C2CD3: variants seen among roughly 807,000 people sequenced by gnomAD.
C2CD3 encodes the protein C2 domain-containing protein 3.
A neutral mutation model predicts 234.0 loss-of-function variants in C2CD3; 148 were observed. The observed-to-expected ratio is 0.63, with a 90% CI of 0.55 to 0.72. C2CD3 has a LOEUF of 0.72. Among genes scored for constraint, C2CD3 ranks in the 30% least tolerant of loss-of-function variants. The pLI is 0.00. For missense variants in C2CD3, 2,577 were observed against 2,811.5 expected (o/e 0.92, Z 1.89); for synonymous variants, 1,000 against 1,035.4 (o/e 0.97, Z 0.66).
intron 6 of C2CD3, 105 bp from the exon 7 acceptor site, chr11:74,133,077 ATACTT>A (rs1361771187): frequency 9.1e-7 from 1 of 1,094,346 alleles, no homozygotes; most frequent in African/African-American, 1.6e-5. Context: ...AAAATTTAAC[ATACTT>A]TAGACTTAAC....
At chr11:74,118,885 C>T (rs983390313) in intron 8 of C2CD3, among the ~76,000 whole-genome samples, 2 of 151,738 alleles carry the variant, frequency 1.3e-5, no homozygotes, top group South Asian at 2.1e-4. Flanking sequence ...GACGATGTCA[C>T]CTAATCATCT....
intron 14 of C2CD3, among the ~76,000 whole-genome samples, chr11:74,101,428 G>C (rs1260324737): frequency 6.6e-6 from 1 of 152,134 alleles, no homozygotes; most frequent in Admixed American, 6.5e-5. Flanking sequence ...AATTAGAAAA[G>C]GGATGATGAG....
At chr11:74,152,827 C>T (rs544593493) in intron 3 of C2CD3, among the ~76,000 whole-genome samples, 3 of 152,124 alleles carry the variant, frequency 2.0e-5, no homozygotes, top group Non-Finnish European at 4.4e-5. Context: ...AAGTTCAATA[C>T]CCATGATAAA....
At chr11:74,151,332 T>C (rs992764186) in intron 3 of C2CD3, among the ~76,000 whole-genome samples, 1 of 151,906 alleles carries the variant, frequency 6.6e-6, no homozygotes, top group Non-Finnish European at 1.5e-5. Flanking sequence ...TTTATTTATT[T>C]ATTGAGACAG....
rs193202991 is a variant in C2CD3, at chr11:74,025,114, T to C, written c.6921+3173A>G. On this transcript the variant is annotated intron_variant, in intron 32 of 32. Transcript: ENST00000334126. ...TTCTCCCTCTCCCATACTTTGTATC[T>C]AGTATTTAATAGACCAAAGACATAC... 3.6e-3 allele frequency among the ~76,000 whole-genome samples: 546 copies of C among 152,234 alleles called. 10 individuals carry two copies. The highest frequency in any genetic ancestry group is 0.033 in the Admixed American group (506 of 15,284).
intron 24 of C2CD3, 54 bp downstream of exon 24, chr11:74,074,199 A>C: frequency 8.3e-7 from 1 of 1,203,594 alleles, no homozygotes; most frequent in Non-Finnish European, 1.2e-6. Context: ...TTGTGAAGAA[A>C]GGAGCACACC....
intron 7 of C2CD3, among the ~76,000 whole-genome samples, chr11:74,124,830 C>T (rs1957352775): frequency 6.6e-6 from 1 of 152,020 alleles, no homozygotes; most frequent in Non-Finnish European, 1.5e-5. Context: ...CTTGTTATTC[C>T]CCACTTTGTA....
chr11:74,170,136 T>C (rs934333115), intron 1 of C2CD3, among the ~76,000 whole-genome samples: 1 of 152,290 alleles, frequency 6.6e-6, no homozygotes, highest in African/African-American at 2.4e-5. Flanking sequence ...CACTCTTTCA[T>C]GATCTCAGGT....
chr11:74,139,003 T>C (rs779085244), intron 4 of C2CD3, 36 bp from the exon 5 acceptor site: 6 of 1,547,700 alleles, frequency 3.9e-6, no homozygotes, highest in Admixed American at 3.6e-5. Flanking sequence ...CAGCAATATA[T>C]AATCTATTAT....
At chr11:74,155,043 G>A (rs1855922491) in intron 3 of C2CD3, among the ~76,000 whole-genome samples, 1 of 152,182 alleles carries the variant, frequency 6.6e-6, no homozygotes, top group Non-Finnish European at 1.5e-5. Flanking sequence ...TTTGACAGCA[G>A]CCTTCTAGAC....
chr11:74,021,074 T>C (rs1190514967), intron 32 of C2CD3, among the ~76,000 whole-genome samples: 1 of 152,196 alleles, frequency 6.6e-6, no homozygotes, highest in Non-Finnish European at 1.5e-5. Context: ...TCCTGTTTAA[T>C]TGAAAACTGG....
chr11:74,063,364 A>G (rs1325795946), intron 24 of C2CD3, among the ~76,000 whole-genome samples: 1 of 152,248 alleles, frequency 6.6e-6, no homozygotes, highest in African/African-American at 2.4e-5. Flanking sequence ...ATGAACATCA[A>G]TGCAAAAATC....
intron 29 of C2CD3, 41 bp downstream of exon 29, chr11:74,042,013 C>T (rs1242102154): frequency 6.3e-7 from 1 of 1,598,110 alleles, no homozygotes; most frequent in African/African-American, 1.3e-5. Flanking sequence ...CACCTTGTGC[C>T]CCACTATGGT....
At chr11:74,071,956 T>A in intron 24 of C2CD3, among the ~76,000 whole-genome samples, 1 of 152,152 alleles carries the variant, frequency 6.6e-6, no homozygotes. Context: ...AATATGGGAA[T>A]TCTCCTAAAA....
intron 7 of C2CD3, among the ~76,000 whole-genome samples, chr11:74,123,493 T>A (rs1957291966): frequency 6.6e-6 from 1 of 152,158 alleles, no homozygotes; most frequent in South Asian, 2.1e-4. Context: ...GAAAAAAGGG[T>A]ATAATTCAAT....
chr11:74,116,887 C>CGT, intron 9 of C2CD3, among the ~76,000 whole-genome samples: 1 of 111,480 alleles, frequency 9.0e-6, no homozygotes, highest in Non-Finnish European at 1.8e-5. Flanking sequence ...TATATACACA[C>CGT]GTGTATATAT....
In C2CD3 at chr11:74,138,737, G is replaced by T. The variant is rs769281314; in HGVS notation, c.938C>A (p.Thr313Asn). ...SCILSSNNLPTKDLLSALLEQ... is the reference protein window; with the variant it reads ...SCILSSNNLPNKDLLSALLEQ... ...ATACATACCTGAAAGAAGATCCTTGGTAGGGAGGTTGTTTGAAGAAAGAAT... is the reference window on the plus strand; with the variant it reads ...ATACATACCTGAAAGAAGATCCTTGTTAGGGAGGTTGTTTGAAGAAAGAAT... Residue 313 changes from threonine to asparagine, a missense_variant, in exon 5 of 33, where the codon ACC (threonine) becomes AAC (asparagine). Physicochemically the swap from Thr to Asn is moderately conservative, Grantham distance 65. Transcript: ENST00000334126. 27 of 1,612,436 alleles carry T rather than the reference G, an allele frequency of 1.7e-5. No individual in the cohort carries two copies. Among genetic ancestry groups the T allele is most frequent in the Non-Finnish European group, 2.2e-5 (26 of 1,178,584 alleles).
chr11:74,165,711 C>T (rs765933817), intron 2 of C2CD3, among the ~76,000 whole-genome samples: 4 of 152,004 alleles, frequency 2.6e-5, no homozygotes, highest in Non-Finnish European at 4.4e-5. Context: ...TGGAGTACAG[C>T]GGCATGAACA....
rs1235091167 is a variant in C2CD3, at chr11:74,103,246, G to T, written c.2465C>A (p.Ser822Tyr). Residue 822 changes from serine (S) to tyrosine (Y), a missense_variant, in exon 14 of 33, where the codon TCT becomes TAT. Ser to Tyr is a moderately radical substitution (Grantham distance 144). Coordinates refer to ENST00000334126, the MANE Select transcript of C2CD3 (RefSeq NM_001286577.2). ...PDGKDFISGE[S>Y]EKQSPCNVYL... is the part of the protein sequence containing the mutation. The stretch of plus-strand genomic sequence containing the variant: ...AACATTGCATGGTGATTGTTTCTCA[G>T]ATTCTCCACTAATAAAATCTTTCCC... The T allele has an allele frequency of 1.4e-5, 22 of 1,614,174 alleles. No homozygotes were observed. Among genetic ancestry groups the T allele is most frequent in the Non-Finnish European group, 1.9e-5 (22 of 1,180,010 alleles).
Sources: gnomAD v4.1 joint callset for allele counts (sites outside exome capture counted in the v4.1 genomes callset) on GRCh38, gnomAD v4.1.1 for gene constraint, MANE v1.5 for transcripts, NCBI Gene and HGNC (gene_info 2026-07-23, HGNC 2026-07-21) for gene names.